Variants in HPGD observed in about 807,000 individuals in gnomAD.
HPGD encodes the protein 15-hydroxyprostaglandin dehydrogenase.
Under a neutral mutation model 30.0 loss-of-function variants are expected in HPGD, and 29 were observed. The ratio of observed to expected loss-of-function variants is 0.97; its 90% confidence interval spans 0.72 to 1.32. The LOEUF (loss-of-function observed/expected upper bound fraction) is 1.32. Ranked by LOEUF, HPGD falls within the 40% of genes most tolerant of loss-of-function variation. The pLI is 0.00. For synonymous variants in HPGD, 99 were observed against 112.4 expected (o/e 0.88, Z 0.75); for missense variants, 340 against 322.1 (o/e 1.06, Z -0.43).
At chr4:174,503,618 A>C (rs913234151) in intron 4 of HPGD, among the ~76,000 whole-genome samples, 1 of 152,142 alleles carries the variant, frequency 6.6e-6, no homozygotes, top group Non-Finnish European at 1.5e-5. Flanking sequence ...AAGATGATCA[A>C]TGTTTTATTT....
chr4:174,507,865 T>C (rs1735264718), intron 4 of HPGD: 1 of 459,062 alleles, frequency 2.2e-6, no homozygotes, highest in Non-Finnish European at 3.9e-6. Context: ...TAGGATTGCA[T>C]GCTGTGGAAA....
chr4:174,507,340 A>G (rs1004022951), intron 4 of HPGD: 1 of 152,222 alleles, frequency 6.6e-6, no homozygotes, highest in Admixed American at 6.5e-5. Context: ...AGCGACCCAG[A>G]AAATGAGATG....
At chr4:174,515,994 T>C (rs771001298) in intron 3 of HPGD, among the ~76,000 whole-genome samples, 1 of 152,030 alleles carries the variant, frequency 6.6e-6, no homozygotes, top group Non-Finnish European at 1.5e-5. Flanking sequence ...ATAATGGATG[T>C]TGGCTTGGCG....
chr4:174,491,170 AT>A lies in HPGD; in HGVS notation c.*785del, dbSNP rs1280963481. The A allele has an allele frequency of 6.6e-6, 1 of 152,558 alleles. No homozygotes were observed. The highest frequency in any genetic ancestry group is 1.9e-4 in the East Asian group (1 of 5,334). The allele number at this position is 152,558 out of a possible 1,614,324, so 9.5% of individuals were successfully genotyped here. ...AATTTGAAAAAAATATTACATTTGC[AT>A]TTTTTTCTTGTTGAGCATCTTAAAT... On this transcript the variant is annotated 3_prime_UTR_variant, in exon 7 of 7. Transcript: ENST00000296522.
At chr4:174,518,432 G>A (rs45467793) in intron 2 of HPGD, among the ~76,000 whole-genome samples, 4 of 152,292 alleles carry the variant, frequency 2.6e-5, no homozygotes, top group Non-Finnish European at 5.9e-5. Flanking sequence ...CTAAGAGCTC[G>A]TTGAAGTCAG....
intron 4 of HPGD, among the ~76,000 whole-genome samples, chr4:174,504,207 T>C (rs993448858): frequency 6.6e-6 from 1 of 152,192 alleles, no homozygotes; most frequent in Non-Finnish European, 1.5e-5. Flanking sequence ...GGTAGTAATT[T>C]TAGCACTTCT....
chr4:174,493,172 A>G lies in HPGD; in HGVS notation c.641T>C (p.Ile214Thr), dbSNP rs1205668534. 3.1e-6 allele frequency: 5 copies of G among 1,599,930 alleles called. No homozygotes were observed. Among genetic ancestry groups the G allele is most frequent in the African/African-American group, 1.3e-5 (1 of 74,566 alleles). The change falls in exon 6 of 7, where the codon ATT becomes ACT. Residue 214 changes from isoleucine (I) to threonine (T), a missense_variant. Coordinates refer to ENST00000296522, the MANE Select transcript of HPGD (RefSeq NM_000860.6). ...TTACTCCAAAATTCCATAGTATTTA[A>G]TCATATCCTTGATATGATCCTTATA... Reference protein sequence around the residue: ...IEYKDHIKDMIKYYGILDPPL... With the variant: ...IEYKDHIKDMTKYYGILDPPL...
chr4:174,504,503 T>C (rs1735076614), intron 4 of HPGD, among the ~76,000 whole-genome samples: 1 of 152,112 alleles, frequency 6.6e-6, no homozygotes, highest in Non-Finnish European at 1.5e-5. Context: ...ACAATAACTT[T>C]TCCTTTCCCA....
chr4:174,499,712 C>T (rs1194796138), intron 4 of HPGD, among the ~76,000 whole-genome samples: 1 of 152,162 alleles, frequency 6.6e-6, no homozygotes, highest in African/African-American at 2.4e-5. Context: ...CAGCAACTAG[C>T]ACAGCCATGC....
intron 4 of HPGD, among the ~76,000 whole-genome samples, chr4:174,505,732 G>A (rs1199277154): frequency 6.6e-6 from 1 of 152,176 alleles, no homozygotes; most frequent in African/African-American, 2.4e-5. Flanking sequence ...CAGTGGCAAC[G>A]AGGAAACAGT....
intron 2 of HPGD, among the ~76,000 whole-genome samples, chr4:174,519,584 G>A (rs1004375892): frequency 1.3e-5 from 2 of 152,058 alleles, no homozygotes; most frequent in Non-Finnish European, 2.9e-5. Flanking sequence ...CACCACAAAA[G>A]AAGTGAAAAT....
rs45463692 is a variant in HPGD, at chr4:174,522,171, A to G, written c.94-104T>C. On this transcript the variant is annotated intron_variant, in intron 1 of 6. Transcript: ENST00000296522. ...CCCCTCCTGGACCTGAAATTTGGCA[A>G]TTAGGTTTGGGTTCCCTCCCAGCCA... The G allele has an allele frequency of 7.1e-3, 11,101 of 1,569,358 alleles. 613 individuals carry two copies. In the African/African-American group the frequency reaches 0.12, roughly 17 times the overall value.
Position 174,495,611 on chromosome 4 carries a change from A to G in HPGD, c.435T>C (p.Val145=). The G allele has an allele frequency of 6.2e-7, 1 of 1,613,314 alleles. No individual in the cohort carries two copies. The highest frequency in any genetic ancestry group is 8.5e-7 in the Non-Finnish European group (1 of 1,179,310). ...AAGCACAATAAACCGGCTGCTGTGC[A>G]ACGGGCATGAGTCCTGAAACAGACA... The part of the protein sequence containing the change: ...NMSSLAGLMP[V]AQQPVYCASK... The change falls in exon 5 of 7, where the codon GTT becomes GTC. Residue 145 remains valine (V), a synonymous_variant. Transcript: ENST00000296522.
rs1364876015 is a variant in HPGD at position 174,491,465 on chromosome 4, A to G, written c.*491T>C. On this transcript the variant is annotated 3_prime_UTR_variant, in exon 7 of 7. Transcript: ENST00000296522. Reference sequence around the variant, plus strand: ...ACTACTCTAAGAAGCTCTTGGAAGAACTGAAATGTTCAGTTGAAAGATGGT... The same window carrying G: ...ACTACTCTAAGAAGCTCTTGGAAGAGCTGAAATGTTCAGTTGAAAGATGGT... The G allele has an allele frequency of 1.2e-5, 2 of 164,644 alleles. No homozygotes were observed. The highest frequency in any genetic ancestry group is 4.8e-5 in the African/African-American group (2 of 41,538). The allele number at this position is 164,644 out of a possible 1,614,324, so 10.2% of individuals were successfully genotyped here.
At chr4:174,517,423 C>A (rs1176817823) in intron 3 of HPGD, among the ~76,000 whole-genome samples, 2 of 152,242 alleles carry the variant, frequency 1.3e-5, no homozygotes, top group East Asian at 1.9e-4. Flanking sequence ...CAGCGGTTGA[C>A]GAGCTTTTTC....
At chr4:174,513,240 G>A (rs1248456823) in intron 3 of HPGD, among the ~76,000 whole-genome samples, 5 of 152,166 alleles carry the variant, frequency 3.3e-5, no homozygotes, top group Non-Finnish European at 5.9e-5. Context: ...AAGCTGTTGT[G>A]CAATTTGTGC....
intron 4 of HPGD, among the ~76,000 whole-genome samples, chr4:174,505,556 T>G (rs1381111223): frequency 2.6e-5 from 4 of 152,212 alleles, no homozygotes; most frequent in African/African-American, 9.6e-5. Flanking sequence ...CCTTCTCCCA[T>G]TATTACAATA....
chr4:174,511,438 A>T (rs1735488449), intron 3 of HPGD, among the ~76,000 whole-genome samples: 1 of 152,158 alleles, frequency 6.6e-6, no homozygotes, highest in Non-Finnish European at 1.5e-5. Context: ...TTCAACATAT[A>T]TTAGTTAAAT....
rs1355605348 is a variant in HPGD at position 174,491,092 on chromosome 4, A to G, written c.*864T>C. 1 of 152,732 alleles carries G rather than the reference A, an allele frequency of 6.5e-6. No homozygotes were observed. Among genetic ancestry groups the G allele is most frequent in the East Asian group, 1.9e-4 (1 of 5,336 alleles). 9.5% of individuals were successfully genotyped at this position (152,732 alleles called of 1,614,324 possible). ...TAATTTATGGAGATCAGAATAAAAA[A>G]GTTTTATTGAAGGGTAGGCACTTTT... On this transcript the variant is annotated 3_prime_UTR_variant, in exon 7 of 7. Transcript: ENST00000296522.
Sources: allele counts gnomAD v4.1 joint callset (sites outside exome capture counted in the v4.1 genomes callset), GRCh38; gene constraint gnomAD v4.1.1; transcripts MANE v1.5; gene names NCBI Gene and HGNC (gene_info 2026-07-23, HGNC 2026-07-21).